The following PTGIS variants were observed in gnomAD, a reference collection of about 807,000 sequenced individuals.
The protein encoded by PTGIS is prostaglandin I2 synthase, also known as prostacyclin synthase.
PTGIS carries 45 observed loss-of-function variants against 50.3 expected under a neutral mutation model. That is an observed-to-expected ratio of 0.90 (90% CI 0.70 to 1.15). PTGIS has a LOEUF of 1.15. PTGIS is among the 50% of genes most tolerant of loss of function. The pLI is 0.00. For missense variants in PTGIS, 668 were observed against 661.3 expected (o/e 1.01, Z -0.11); for synonymous variants, 260 against 267.7 (o/e 0.97, Z 0.28).
At chr20:49,564,182 G>A (rs907970256) in intron 1 of PTGIS, among the ~76,000 whole-genome samples, 1 of 152,160 alleles carries the variant, frequency 6.6e-6, no homozygotes, top group Non-Finnish European at 1.5e-5. Flanking sequence ...ATATTCTCAG[G>A]CAAGAAAATA....
intron 6 of PTGIS, among the ~76,000 whole-genome samples, chr20:49,516,477 G>A (rs563509122): frequency 3.5e-4 from 53 of 152,236 alleles, no homozygotes; most frequent in African/African-American, 1.3e-3. Context: ...GTCTCACTAT[G>A]TTTCCCAGGC....
intron 3 of PTGIS, among the ~76,000 whole-genome samples, chr20:49,547,226 T>C (rs1184624232): frequency 6.6e-6 from 1 of 152,186 alleles, no homozygotes; most frequent in Non-Finnish European, 1.5e-5. Context: ...AGAGAGACTC[T>C]GTCTCAAAAA....
chr20:49,549,202 C>A (rs1342345687), intron 2 of PTGIS, among the ~76,000 whole-genome samples: 1 of 152,090 alleles, frequency 6.6e-6, no homozygotes, highest in East Asian at 1.9e-4. Context: ...AGGATTGGTT[C>A]CAGGACCTCC....
intron 5 of PTGIS, among the ~76,000 whole-genome samples, chr20:49,529,445 T>C (rs1568674896): frequency 6.6e-6 from 1 of 151,872 alleles, no homozygotes; most frequent in Non-Finnish European, 1.5e-5. Flanking sequence ...GATTTCTCCC[T>C]TTTTATGGCT....
intron 1 of PTGIS, among the ~76,000 whole-genome samples, chr20:49,562,128 C>T (rs575193855): frequency 6.6e-6 from 1 of 152,264 alleles, no homozygotes; most frequent in Admixed American, 6.5e-5. Context: ...GTTTCTAATC[C>T]AGACAGGTCT....
intron 5 of PTGIS, among the ~76,000 whole-genome samples, chr20:49,527,464 A>G (rs941602909): frequency 1.3e-5 from 2 of 152,100 alleles, no homozygotes; most frequent in Non-Finnish European, 2.9e-5. Flanking sequence ...AAAATCTCAT[A>G]TAATGAGAAT....
At chr20:49,523,744 ACTCCAG>A (rs1981716193) in intron 6 of PTGIS, among the ~76,000 whole-genome samples, 1 of 152,150 alleles carries the variant, frequency 6.6e-6, no homozygotes, top group African/African-American at 2.4e-5. Context: ...GAGCCACTGC[ACTCCAG>A]CCTGGGCAAC....
intron 6 of PTGIS, among the ~76,000 whole-genome samples, chr20:49,520,146 G>A (rs77823273): frequency 0.045 from 6,811 of 152,188 alleles, 290 homozygotes; most frequent in African/African-American, 0.1. Context: ...CCTCCCCACC[G>A]TGTCACCCTT....
chr20:49,567,187 C>T (rs1045892074), intron 1 of PTGIS, among the ~76,000 whole-genome samples: 34 of 152,172 alleles, frequency 2.2e-4, no homozygotes, highest in Admixed American at 1.4e-3. Context: ...ATGTATTCAG[C>T]TATTCCTTAT....
At chr20:49,532,198 G>A (rs972579428) in intron 5 of PTGIS, among the ~76,000 whole-genome samples, 2 of 152,062 alleles carry the variant, frequency 1.3e-5, no homozygotes, top group Non-Finnish European at 2.9e-5. Context: ...TATTAAAATC[G>A]ATTTCACTTC....
At chr20:49,547,605 C>CCAAACAAACAAACAAA (rs113839455) in intron 3 of PTGIS, among the ~76,000 whole-genome samples, 21 of 144,608 alleles carry the variant, frequency 1.5e-4, no homozygotes, top group African/African-American at 5.0e-4. Context: ...AGGGCTGCCT[C>CCAAACAAACAAACAAA]CAAACAAACA....
intron 1 of PTGIS, among the ~76,000 whole-genome samples, chr20:49,554,173 A>T (rs1378736512): frequency 6.6e-6 from 1 of 152,168 alleles, no homozygotes; most frequent in Non-Finnish European, 1.5e-5. Flanking sequence ...TTTGAGAAGG[A>T]CTGAGAGAAT....
intron 8 of PTGIS, among the ~76,000 whole-genome samples, chr20:49,512,502 T>C (rs1321556236): frequency 6.6e-6 from 1 of 152,152 alleles, no homozygotes; most frequent in East Asian, 1.9e-4. Context: ...AATAGACAGA[T>C]GCATGAGTAG....
intron 1 of PTGIS, among the ~76,000 whole-genome samples, chr20:49,553,387 C>A (rs1982557401): frequency 6.6e-6 from 1 of 151,958 alleles, no homozygotes; most frequent in Non-Finnish European, 1.5e-5. Context: ...AAGTAAACAT[C>A]TGAAATTCAC....
chr20:49,511,580 A>G (rs890606921), intron 8 of PTGIS, among the ~76,000 whole-genome samples: 5 of 152,200 alleles, frequency 3.3e-5, no homozygotes, highest in African/African-American at 1.2e-4. Context: ...TTTACATTTA[A>G]GTATATATTT....
In PTGIS at chr20:49,527,858, G is replaced by A. The variant is rs746358872; in HGVS notation, c.674-3619C>T. ...ATAACAAAGAATTTGCATTCTGGGC[G>A]GGTGCAGTGGCTCACGCATGTAATC... On this transcript the variant is annotated intron_variant, in intron 5 of 9. Coordinates refer to ENST00000244043, the MANE Select transcript of PTGIS (RefSeq NM_000961.4). Among the ~76,000 whole-genome samples the A allele has an allele frequency of 2.2e-4, 33 of 152,118 alleles. 1 individual carries two copies. Among genetic ancestry groups the A allele is most frequent in the South Asian group, 4.1e-4 (2 of 4,822 alleles).
In PTGIS at chr20:49,505,941, T is replaced by A. The variant is rs1981141068; in HGVS notation, c.*1979A>T. ...CTCTGGGACATTCAGAGGTCTGGGG[T>A]TCTTTTATCTCCCTCCAGCTAAAGC... On this transcript the variant is annotated 3_prime_UTR_variant, in exon 10 of 10. Transcript: ENST00000244043. 1 of 152,528 alleles carries A rather than the reference T, an allele frequency of 6.6e-6. No homozygotes were observed. Among genetic ancestry groups the A allele is most frequent in the Non-Finnish European group, 1.5e-5 (1 of 68,022 alleles). 9.4% of individuals were successfully genotyped at this position (152,528 alleles called of 1,614,324 possible).
chr20:49,560,866 G>A (rs73124192), intron 1 of PTGIS, among the ~76,000 whole-genome samples: 8,148 of 152,230 alleles, frequency 0.054, 305 homozygotes, highest in South Asian at 0.12. Context: ...GTGGGAGTCC[G>A]GCTCCTATGC....
intron 1 of PTGIS, among the ~76,000 whole-genome samples, chr20:49,558,711 CA>C (rs1737075525): frequency 1.2e-5 from 1 of 83,102 alleles, no homozygotes; most frequent in Non-Finnish European, 2.2e-5. Context: ...AGAAGTTAGA[CA>C]ATTTTTTTTT....
Sources: gnomAD v4.1 joint callset for allele counts (sites outside exome capture counted in the v4.1 genomes callset) on GRCh38, gnomAD v4.1.1 for gene constraint, MANE v1.5 for transcripts, NCBI Gene and HGNC (gene_info 2026-07-23, HGNC 2026-07-21) for gene names.